ARHGEF38: variants seen among roughly 807,000 people sequenced by gnomAD.
ARHGEF38 encodes Rho guanine nucleotide exchange factor 38.
Under a neutral mutation model 79.9 loss-of-function variants are expected in ARHGEF38, and 79 were observed. The observed-to-expected ratio is 0.99, with a 90% CI of 0.82 to 1.19. ARHGEF38 has a LOEUF of 1.19. Ranked by LOEUF, ARHGEF38 falls within the 50% of genes most tolerant of loss-of-function variation. The pLI, the probability that ARHGEF38 is intolerant of heterozygous loss-of-function variation, is 0.00. For synonymous variants in ARHGEF38, 366 were observed against 328.3 expected, an observed-to-expected ratio of 1.11 and a Z score of -1.24; for missense variants, 962 against 907.2, an observed-to-expected ratio of 1.06 and a Z score of -0.78.
intron 3 of ARHGEF38, among the ~76,000 whole-genome samples, chr4:105,618,479 G>A (rs1239254733): frequency 2.6e-5 from 4 of 151,976 alleles, no homozygotes; most frequent in Non-Finnish European, 5.9e-5. Context: ...AAATTAGCCG[G>A]GCGTGGTGGC....
chr4:105,582,249 A>G (rs540262781), intron 1 of ARHGEF38, among the ~76,000 whole-genome samples: 1 of 149,878 alleles, frequency 6.7e-6, no homozygotes, highest in African/African-American at 2.4e-5. Flanking sequence ...ATTCAATTTC[A>G]TTAAGCTTTG....
At chr4:105,603,661 A>C (rs1225347570) in intron 2 of ARHGEF38, among the ~76,000 whole-genome samples, 2 of 152,120 alleles carry the variant, frequency 1.3e-5, no homozygotes, top group African/African-American at 2.4e-5. Flanking sequence ...TCAGCCTTGC[A>C]GGCAGAGTCA....
chr4:105,657,296 A>G (rs569914316), intron 9 of ARHGEF38, among the ~76,000 whole-genome samples: 1 of 152,334 alleles, frequency 6.6e-6, no homozygotes, highest in South Asian at 2.1e-4. Context: ...GAAAGAAGCC[A>G]GAAGTGTCCT....
intron 10 of ARHGEF38, among the ~76,000 whole-genome samples, chr4:105,662,850 G>A (rs947979655): frequency 6.6e-6 from 1 of 152,058 alleles, no homozygotes; most frequent in African/African-American, 2.4e-5. Context: ...GATTTTTAAA[G>A]GCATTTTCAG....
chr4:105,623,686 G>C (rs1728830207), intron 3 of ARHGEF38, among the ~76,000 whole-genome samples: 1 of 152,184 alleles, frequency 6.6e-6, no homozygotes, highest in African/African-American at 2.4e-5. Flanking sequence ...TTAAATGTTA[G>C]AACTGGACTA....
chr4:105,679,291 A>G lies in ARHGEF38; in HGVS notation c.*1354A>G. The G allele has an allele frequency of 1.4e-6, 1 of 737,316 alleles. No homozygotes were observed. The highest frequency in any genetic ancestry group is 2.4e-6 in the Non-Finnish European group (1 of 416,656). 45.7% of individuals were successfully genotyped at this position (737,316 alleles called of 1,614,324 possible). ...CTGGCACTGAGAGTATCCAGCCGGA[A>G]TCATGCCACTTTGCCTGTAACCTTT... On this transcript the variant is annotated 3_prime_UTR_variant, in exon 14 of 14. Coordinates refer to ENST00000420470, the MANE Select transcript of ARHGEF38 (RefSeq NM_001242729.2).
At chr4:105,561,484 A>C (rs141172432) in intron 1 of ARHGEF38, 4 of 59,868 alleles carry the variant, frequency 6.7e-5, no homozygotes, top group African/African-American at 2.5e-4. Context: ...AGAATAGAAT[A>C]GAATAGAATA....
At chr4:105,558,881 G>A (rs569867693) in intron 1 of ARHGEF38, among the ~76,000 whole-genome samples, 3 of 150,934 alleles carry the variant, frequency 2.0e-5, no homozygotes, top group African/African-American at 7.3e-5. Context: ...AAGAAGGAAT[G>A]AAAGAAAGGA....
intron 1 of ARHGEF38, among the ~76,000 whole-genome samples, chr4:105,562,639 G>T (rs1206065373): frequency 6.6e-6 from 1 of 152,168 alleles, no homozygotes; most frequent in Non-Finnish European, 1.5e-5. Context: ...ATTCGTATGT[G>T]CCAGGTATGA....
At chr4:105,570,023 T>A (rs1303207594) in intron 1 of ARHGEF38, 1 of 152,184 alleles carries the variant, frequency 6.6e-6, no homozygotes, top group Admixed American at 6.6e-5. Context: ...GAACATGATG[T>A]ACCATGATCA....
intron 4 of ARHGEF38, among the ~76,000 whole-genome samples, chr4:105,635,893 C>T (rs1729377112): frequency 6.6e-6 from 1 of 152,088 alleles, no homozygotes. Context: ...GCAATTCACT[C>T]ATATAGCATG....
At chr4:105,592,597 T>G (rs1323403472) in intron 2 of ARHGEF38, among the ~76,000 whole-genome samples, 1 of 152,192 alleles carries the variant, frequency 6.6e-6, no homozygotes, top group Non-Finnish European at 1.5e-5. Flanking sequence ...TGAAGTTCAA[T>G]TTTTCGTCTA....
At chr4:105,613,299 G>A (rs778216235) in intron 2 of ARHGEF38, 85 bp from the exon 3 acceptor site, 5 of 1,430,808 alleles carry the variant, frequency 3.5e-6, no homozygotes, top group South Asian at 1.6e-5. Flanking sequence ...GCATGCGCTG[G>A]CATTTAAAAT....
intron 1 of ARHGEF38, among the ~76,000 whole-genome samples, chr4:105,581,086 C>G (rs1328837773): frequency 6.6e-6 from 1 of 152,148 alleles, no homozygotes; most frequent in Non-Finnish European, 1.5e-5. Flanking sequence ...CTCACCCCAC[C>G]TGCAGGAGTA....
chr4:105,673,366 C>A (rs1469316099), intron 13 of ARHGEF38, among the ~76,000 whole-genome samples: 2 of 152,088 alleles, frequency 1.3e-5, no homozygotes, highest in African/African-American at 4.8e-5. Flanking sequence ...GGGGGCAGTT[C>A]AGTGTCTGAG....
intron 3 of ARHGEF38, among the ~76,000 whole-genome samples, chr4:105,616,558 C>G (rs143998513): frequency 6.6e-6 from 1 of 152,080 alleles, no homozygotes; most frequent in Non-Finnish European, 1.5e-5. Context: ...AAGTCCACCC[C>G]CATGATTCAA....
intron 10 of ARHGEF38, among the ~76,000 whole-genome samples, 191 bp from the exon 11 acceptor site, chr4:105,665,986 C>A (rs1165614819): frequency 4.6e-5 from 7 of 152,204 alleles, no homozygotes; most frequent in African/African-American, 1.7e-4. Flanking sequence ...AAAAAAATTC[C>A]TATCATGTTT....
chr4:105,589,429 T>C lies in ARHGEF38; in HGVS notation c.378T>C (p.Asn126=). The C allele has an allele frequency of 6.2e-7, 1 of 1,603,456 alleles. No individual in the cohort carries two copies. Among genetic ancestry groups the C allele is most frequent in the Non-Finnish European group, 8.5e-7 (1 of 1,177,166 alleles). Residue 126 remains asparagine (N), a synonymous_variant, in exon 2 of 14, where the codon AAT becomes AAC. Coordinates refer to ENST00000420470, the MANE Select transcript of ARHGEF38 (RefSeq NM_001242729.2). ...CVREVVQPLR[N]KKTDRLDVDS... ...GGGAAGTGGTTCAGCCCCTGAGAAA[T>C]AAAAAGGTAAATATATATTTGAGAT... is the stretch of plus-strand genomic sequence containing the variant.
chr4:105,592,699 T>C (rs138855361), intron 2 of ARHGEF38, among the ~76,000 whole-genome samples: 227 of 152,214 alleles, frequency 1.5e-3, no homozygotes, highest in African/African-American at 5.3e-3. Context: ...CTGAGGAGAT[T>C]CTCTCACATT....
Sources: allele counts gnomAD v4.1 joint callset (sites outside exome capture counted in the v4.1 genomes callset), GRCh38; gene constraint gnomAD v4.1.1; transcripts MANE v1.5; gene names NCBI Gene and HGNC (gene_info 2026-07-23, HGNC 2026-07-21).